Variants in NRCAM observed in about 807,000 individuals in gnomAD.
NRCAM encodes the protein NgCAM-related cell adhesion molecule.
In NRCAM, 83 loss-of-function variants were observed where a neutral mutation model predicts 156.5. That is an observed-to-expected ratio of 0.53 (90% CI 0.44 to 0.64). NRCAM has a LOEUF of 0.64. Ranked by LOEUF, NRCAM falls within the 30% of genes least tolerant of loss-of-function variation. NRCAM has a pLI of 0.00. For missense variants in NRCAM, 1,417 were observed against 1,597.3 expected (o/e 0.89, Z 1.92); for synonymous variants, 538 against 563.9 (o/e 0.95, Z 0.65).
intron 13 of NRCAM, among the ~76,000 whole-genome samples, chr7:108,198,485 GTATTATT>G (rs1298705744): frequency 6.6e-6 from 1 of 151,856 alleles, no homozygotes; most frequent in Non-Finnish European, 1.5e-5. Context: ...TGAACACCAA[GTATTATT>G]TTGAGAGATG....
At chr7:108,395,372 T>C (rs964201831) in intron 2 of NRCAM, among the ~76,000 whole-genome samples, 8 of 152,212 alleles carry the variant, frequency 5.3e-5, no homozygotes, top group African/African-American at 1.9e-4. Flanking sequence ...CTGTTGTCAT[T>C]GTCCTCCACC....
At chr7:108,308,530 C>T (rs1017002951) in intron 3 of NRCAM, among the ~76,000 whole-genome samples, 4 of 152,168 alleles carry the variant, frequency 2.6e-5, no homozygotes, top group African/African-American at 9.7e-5. Context: ...CCCCACTAGG[C>T]TACAATGGGA....
rs758561427 is a variant in NRCAM, at chr7:108,195,864, G to C, written c.1360C>G (p.Pro454Ala). 20 of 1,603,608 alleles carry C rather than the reference G, an allele frequency of 1.2e-5. No homozygotes were observed. Among genetic ancestry groups the C allele is most frequent in the Non-Finnish European group, 1.5e-5 (18 of 1,170,774 alleles). ...NAFVNVLAEP[P>A]RILTPANTLY... ...GTGTTTGCAGGTGTGAGGATTCGTG[G>C]TGGCTCAGCTACAAATATTTTTAAA... The change falls in exon 15 of 33, where the codon CCA becomes GCA. Residue 454 changes from proline (P) to alanine (A), a missense_variant. Physicochemically the swap from Pro to Ala is conservative, Grantham distance 27. Transcript: ENST00000379028.
At chr7:108,185,169 CTT>C (rs1171527545) in intron 20 of NRCAM, among the ~76,000 whole-genome samples, 1 of 152,088 alleles carries the variant, frequency 6.6e-6, no homozygotes, top group African/African-American at 2.4e-5. Flanking sequence ...CATTCTCTGA[CTT>C]TGTAGGAAGT....
intron 3 of NRCAM, among the ~76,000 whole-genome samples, chr7:108,296,759 C>G (rs541916423): frequency 6.6e-6 from 1 of 152,220 alleles, no homozygotes; most frequent in Admixed American, 6.5e-5. Context: ...GAACATTGTT[C>G]TTATTCATAT....
At chr7:108,278,634 C>T (rs1026358053) in intron 3 of NRCAM, among the ~76,000 whole-genome samples, 19 of 152,340 alleles carry the variant, frequency 1.2e-4, no homozygotes, top group South Asian at 4.1e-4. Context: ...TGGGCAGGAG[C>T]ATACCGTTCC....
intron 3 of NRCAM, among the ~76,000 whole-genome samples, chr7:108,255,925 CCCACCCAGCCAGCCGCCCTGTCCGGGA>C (rs2096624735): frequency 6.8e-6 from 1 of 147,550 alleles, no homozygotes; most frequent in African/African-American, 2.6e-5. Flanking sequence ...GGGGGCAGCC[CCCACCCAGCCAGCCGCCCTGTCCGGGA>C]GGGAGGTGGG....
chr7:108,417,744 C>G (rs943521662), intron 1 of NRCAM, among the ~76,000 whole-genome samples: 3 of 152,044 alleles, frequency 2.0e-5, no homozygotes, highest in Non-Finnish European at 2.9e-5. Context: ...CTCTGCTCTT[C>G]TCTTTCTTTC....
intron 2 of NRCAM, among the ~76,000 whole-genome samples, chr7:108,377,967 A>C (rs568956803): frequency 6.6e-6 from 1 of 152,310 alleles, no homozygotes; most frequent in South Asian, 2.1e-4. Context: ...AATTAATTTA[A>C]AGCAATTCTG....
chr7:108,400,108 G>A (rs554870109), intron 1 of NRCAM, among the ~76,000 whole-genome samples: 22 of 152,168 alleles, frequency 1.4e-4, no homozygotes, highest in East Asian at 3.9e-4. Flanking sequence ...CTTTGAAGGC[G>A]GTAAGAAAAT....
intron 2 of NRCAM, among the ~76,000 whole-genome samples, chr7:108,315,332 C>CCAGAG (rs2098895604): frequency 6.6e-6 from 1 of 151,854 alleles, no homozygotes; most frequent in Non-Finnish European, 1.5e-5. Flanking sequence ...TCATACTTAA[C>CCAGAG]TGGAGAAAAA....
chr7:108,334,693 G>A (rs1423761112), intron 2 of NRCAM, among the ~76,000 whole-genome samples: 2 of 152,188 alleles, frequency 1.3e-5, no homozygotes, highest in African/African-American at 4.8e-5. Context: ...CAACATGGGG[G>A]CATGGCCCAC....
At chr7:108,165,722 T>G (rs1375768491) in intron 30 of NRCAM, among the ~76,000 whole-genome samples, 3 of 152,176 alleles carry the variant, frequency 2.0e-5, no homozygotes, top group Non-Finnish European at 4.4e-5. Context: ...TTTAATACAT[T>G]ATTGTTGTTT....
chr7:108,382,180 G>A (rs2154359792), intron 2 of NRCAM, among the ~76,000 whole-genome samples: 2 of 151,628 alleles, frequency 1.3e-5, no homozygotes, highest in East Asian at 2.0e-4. Flanking sequence ...CATCAGTTTT[G>A]CTTTCCGGAG....
In NRCAM at chr7:108,263,869, CAA is replaced by C. The variant is rs574792452; in HGVS notation, c.-106-23701_-106-23700del. ...AACTTCATTTACCCTATTATACACT[CAA>C]GTCTTCCTGCATTCAGTCTTTCCAT... is the stretch of plus-strand genomic sequence containing the variant. On this transcript the variant is annotated intron_variant, in intron 3 of 32. Coordinates refer to ENST00000379028, the MANE Select transcript of NRCAM (RefSeq NM_001037132.4). 1.0e-3 allele frequency among the ~76,000 whole-genome samples: 158 copies of C among 152,362 alleles called. 2 individuals are homozygous for C. The highest frequency in any genetic ancestry group is 3.5e-3 in the African/African-American group (144 of 41,588).
chr7:108,294,205 T>G (rs899160370), intron 3 of NRCAM, among the ~76,000 whole-genome samples: 6 of 140,208 alleles, frequency 4.3e-5, no homozygotes, highest in African/African-American at 5.3e-5. Context: ...TTTTTTTTTT[T>G]TTTTTTTTTT....
In NRCAM at chr7:108,357,955, G is replaced by T. The variant is rs564112893; in HGVS notation, c.-174+41481C>A. 2.0e-4 allele frequency among the ~76,000 whole-genome samples: 31 copies of T among 152,146 alleles called. 1 individual carries two copies. In the East Asian group the frequency reaches 6.0e-3, roughly 30 times the overall value. On this transcript the variant is annotated intron_variant, in intron 2 of 32. Coordinates refer to ENST00000379028, the MANE Select transcript of NRCAM (RefSeq NM_001037132.4). ...ATAGACTACATATGGTAGGGAGGGT[G>T]GGGAAGCCCTTTCATCCCTACGGAT...
chr7:108,156,180 G>A (rs1044179063), intron 32 of NRCAM: 3 of 386,700 alleles, frequency 7.8e-6, no homozygotes, highest in South Asian at 2.2e-4. Context: ...TAACGAATGT[G>A]ACACATCTTG....
intron 2 of NRCAM, among the ~76,000 whole-genome samples, chr7:108,353,163 C>A (rs1227227146): frequency 6.6e-6 from 1 of 151,970 alleles, no homozygotes; most frequent in Middle Eastern, 3.2e-3. Flanking sequence ...AACATCATAA[C>A]AACCTCCTAG....
Sources: gnomAD v4.1 joint callset for allele counts (sites outside exome capture counted in the v4.1 genomes callset) on GRCh38, gnomAD v4.1.1 for gene constraint, MANE v1.5 for transcripts, NCBI Gene and HGNC (gene_info 2026-07-23, HGNC 2026-07-21) for gene names.